FBN1: variants seen among roughly 807,000 people sequenced by gnomAD.
FBN1 encodes fibrillin-1.
In FBN1, 29 loss-of-function variants were observed where a neutral mutation model predicts 365.1. That is an observed-to-expected ratio of 0.08 (90% CI 0.06 to 0.11). FBN1 has a LOEUF of 0.11. FBN1 is among the 10% of genes least tolerant of loss of function. FBN1 has a pLI of 1.00. For synonymous variants in FBN1, 1,210 were observed against 1,270.5 expected (o/e 0.95, Z 1.01); for missense variants, 2,476 against 3,703.2 (o/e 0.67, Z 8.60).
chr15:48,510,006 A>G (rs1024388515), intron 14 of FBN1, 38 bp downstream of exon 14: 3 of 1,610,098 alleles, frequency 1.9e-6, no homozygotes, highest in East Asian at 2.2e-5. Context: ...TGAAACTGCA[A>G]TGGAAGGAGA....
chr15:48,460,267 T>C lies in FBN1; in HGVS notation c.5275A>G (p.Ile1759Val). The change falls in exon 43 of 66, where the codon ATT becomes GTT. Residue 1759 changes from isoleucine (I) to valine (V), a missense_variant. Transcript: ENST00000316623. The stretch of plus-strand genomic sequence containing the variant: ...TCACCAACGGGTAAACCGGTATAAA[T>C]GTCGATGACAAAGCCTGGCCTTTGA... The part of the protein sequence containing the change: ...GSQRPGFVID[I>V]YTGLPVDIDE... 1 of 1,613,624 alleles carries C rather than the reference T, an allele frequency of 6.2e-7. No homozygotes were observed. Among genetic ancestry groups the C allele is most frequent in the Non-Finnish European group, 8.5e-7 (1 of 1,179,590 alleles).
chr15:48,418,633 A>C (rs1180265652), intron 63 of FBN1, among the ~76,000 whole-genome samples: 5 of 152,172 alleles, frequency 3.3e-5, no homozygotes, highest in Non-Finnish European at 7.3e-5. Context: ...CTCCACAAGG[A>C]ATTTTTTTAC....
At chr15:48,445,582 G>A in intron 47 of FBN1, 78 bp from the exon 48 acceptor site, 1 of 1,517,822 alleles carries the variant, frequency 6.6e-7, no homozygotes, top group Non-Finnish European at 9.1e-7. Flanking sequence ...ACTTCTAAAA[G>A]AAAAAATACT....
intron 2 of FBN1, among the ~76,000 whole-genome samples, chr15:48,625,841 T>TG (rs1310823049): frequency 2.0e-5 from 3 of 152,182 alleles, no homozygotes; most frequent in South Asian, 2.1e-4. Context: ...AGCGTTTTTT[T>TG]TGTGTGTGTA....
chr15:48,440,524 C>T (rs1309195245), intron 50 of FBN1, among the ~76,000 whole-genome samples: 6 of 151,992 alleles, frequency 3.9e-5, no homozygotes, highest in Non-Finnish European at 7.4e-5. Context: ...AATATCTGTT[C>T]GAATTAAGCA....
chr15:48,574,290 T>C (rs1402963747), intron 6 of FBN1, among the ~76,000 whole-genome samples: 1 of 152,236 alleles, frequency 6.6e-6, no homozygotes, highest in Non-Finnish European at 1.5e-5. Flanking sequence ...GTGATTCTTC[T>C]GTGAATGGCT....
chr15:48,491,794 G>T (rs961802935), intron 24 of FBN1, among the ~76,000 whole-genome samples: 6 of 152,348 alleles, frequency 3.9e-5, no homozygotes, highest in African/African-American at 1.2e-4. Flanking sequence ...TAGGCAGGCA[G>T]AAGCCATAGT....
At chr15:48,469,925 G>T (rs538865732) in intron 36 of FBN1, among the ~76,000 whole-genome samples, 41 of 152,100 alleles carry the variant, frequency 2.7e-4, no homozygotes, top group Admixed American at 6.5e-4. Flanking sequence ...GAGCCCCTGA[G>T]TCATGGTTTG....
intron 3 of FBN1, among the ~76,000 whole-genome samples, chr15:48,611,058 C>T (rs912231717): frequency 6.6e-6 from 1 of 152,074 alleles, no homozygotes; most frequent in Non-Finnish European, 1.5e-5. Flanking sequence ...TGGTTCTCAA[C>T]CTCTCTTTGC....
rs1177856657 is a variant in FBN1 at position 48,490,075 on chromosome 15, A to G, written c.2858T>C (p.Ile953Thr). The G allele has an allele frequency of 3.7e-6, 6 of 1,613,982 alleles. No individual in the cohort carries two copies. The highest frequency in any genetic ancestry group is 1.7e-5 in the Admixed American group (1 of 60,000). Residue 953 changes from isoleucine to threonine, a missense_variant, in exon 25 of 66, where the codon ATC (isoleucine) becomes ACC (threonine). This residue lies in a region of FBN1 where 1,780 missense variants were observed against 2,840.8 expected (regional missense o/e 0.63). Coordinates refer to ENST00000316623, the MANE Select transcript of FBN1 (RefSeq NM_000138.5). ...CCTCAGGAAGCAGGTTTCCAGGCGG[A>G]TATCTGTCAGAGGGAATCAAGGGAG... ...LDATGRICLD[I>T]RLETCFLRYE... is the part of the protein sequence containing the mutation.
At chr15:48,571,723 G>C (rs965534297) in intron 6 of FBN1, among the ~76,000 whole-genome samples, 2 of 152,148 alleles carry the variant, frequency 1.3e-5, no homozygotes, top group African/African-American at 4.8e-5. Flanking sequence ...ATAATAGGTA[G>C]TAAGGGCTTT....
At chr15:48,505,201 T>A in intron 15 of FBN1, 54 bp from the exon 16 acceptor site, 5 of 1,606,736 alleles carry the variant, frequency 3.1e-6, no homozygotes, top group Non-Finnish European at 4.3e-6. Context: ...TCTAAAATTA[T>A]AACATGTTGA....
At chr15:48,589,725 C>T (rs940599185) in intron 6 of FBN1, among the ~76,000 whole-genome samples, 17 of 150,578 alleles carry the variant, frequency 1.1e-4, no homozygotes, top group African/African-American at 3.2e-4. Context: ...GCCATTCTCC[C>T]GCTTCAGCCT....
chr15:48,602,876 G>GA (rs1296575841), intron 4 of FBN1, among the ~76,000 whole-genome samples: 2 of 152,142 alleles, frequency 1.3e-5, no homozygotes, highest in Non-Finnish European at 2.9e-5. Context: ...TCCTATCTTA[G>GA]AAAAACAGTG....
chr15:48,487,703 A>G (rs1230054219), intron 27 of FBN1, among the ~76,000 whole-genome samples: 1 of 152,212 alleles, frequency 6.6e-6, no homozygotes, highest in Non-Finnish European at 1.5e-5. Flanking sequence ...ATTTGCTCAC[A>G]GTAAGAAATA....
Position 48,516,258 on chromosome 15 carries a change from C to G in FBN1, c.1252G>C (p.Gly418Arg). ...PIPPVLPVPP[G>R]FPPGPQIPVP... is the part of the protein sequence containing the mutation. ...GGAATTTGAGGTCCAGGAGGAAAGCCAGGAGGAACAGGGAGAACTGGAGGA... is the reference window on the plus strand; with the variant it reads ...GGAATTTGAGGTCCAGGAGGAAAGCGAGGAGGAACAGGGAGAACTGGAGGA... Residue 418 changes from glycine (G) to arginine (R), a missense_variant, in exon 11 of 66, where the codon GGC becomes CGC. Transcript: ENST00000316623. 6.2e-7 allele frequency: 1 copy of G among 1,613,152 alleles called. No individual in the cohort carries two copies. Among genetic ancestry groups the G allele is most frequent in the Non-Finnish European group, 8.5e-7 (1 of 1,179,728 alleles).
At position 48,505,441 on chromosome 15, in the gene FBN1, C is replaced by A. The variant is rs77581118; in HGVS notation, c.1838-294G>T. Among the ~76,000 whole-genome samples, 589 of 152,256 alleles carry A rather than the reference C, an allele frequency of 3.9e-3. 20 individuals are homozygous for A. In the East Asian group the frequency reaches 0.054, roughly 14 times the overall value. ...AAAAACAGAATCAGAGGAAGGAGAA[C>A]AATGGCTGCTAAAAGACAAAGGGTT... On this transcript the variant is annotated intron_variant, in intron 15 of 65. Coordinates refer to ENST00000316623, the MANE Select transcript of FBN1 (RefSeq NM_000138.5).
At chr15:48,493,897 A>C (rs749677157) in intron 23 of FBN1, among the ~76,000 whole-genome samples, 6 of 152,184 alleles carry the variant, frequency 3.9e-5, no homozygotes, top group Non-Finnish European at 8.8e-5. Flanking sequence ...AATTTTACAG[A>C]CTCATCAAAA....
At chr15:48,623,358 G>C (rs1434026325) in intron 2 of FBN1, among the ~76,000 whole-genome samples, 1 of 152,196 alleles carries the variant, frequency 6.6e-6, no homozygotes, top group Non-Finnish European at 1.5e-5. Flanking sequence ...GAAATGTATG[G>C]TGGTTTTGTG....
Sources: allele counts gnomAD v4.1 joint callset (sites outside exome capture counted in the v4.1 genomes callset), GRCh38; gene constraint gnomAD v4.1.1; regional missense constraint gnomAD v4.1.1; transcripts MANE v1.5; gene names NCBI Gene and HGNC (gene_info 2026-07-23, HGNC 2026-07-21).